Variants in MFN2 observed in about 807,000 individuals in gnomAD.
MFN2 encodes mitofusin 2.
MFN2 carries 43 observed loss-of-function variants against 87.5 expected under a neutral mutation model. The ratio of observed to expected loss-of-function variants is 0.49; its 90% CI spans 0.38 to 0.63. The LOEUF is 0.63. Ranked by LOEUF, MFN2 falls within the 30% of genes least tolerant of loss-of-function variation. The pLI is 0.00. For synonymous variants in MFN2, 337 were observed against 359.9 expected (o/e 0.94, Z 0.72); for missense variants, 743 against 972.8 (o/e 0.76, Z 3.14).
chr1:11,991,955 A>AAAAAAAG (rs1638703453), intron 3 of MFN2, among the ~76,000 whole-genome samples: 1 of 145,708 alleles, frequency 6.9e-6, no homozygotes, highest in Admixed American at 6.8e-5. Context: ...AAAAAAAAGA[A>AAAAAAAG]GTGACATAGA....
chr1:11,990,386 C>T (rs1409623598), intron 3 of MFN2, among the ~76,000 whole-genome samples: 1 of 152,190 alleles, frequency 6.6e-6, no homozygotes, highest in South Asian at 2.1e-4. Context: ...TTGAAATAAT[C>T]CCAACTCATT....
At position 12,001,257 on chromosome 1, in the gene MFN2, C is replaced by T. The variant is rs1266839526; in HGVS notation, c.817-144C>T. Reference sequence around the variant, plus strand: ...TGAACTCCCGACCTCAAGTGATCCACCTGCCTTGGCTTCCCAAAGTGCTGG... The same window carrying T: ...TGAACTCCCGACCTCAAGTGATCCATCTGCCTTGGCTTCCCAAAGTGCTGG... On this transcript the variant is annotated intron_variant, in intron 8 of 18. Coordinates refer to ENST00000235329, the MANE Select transcript of MFN2 (RefSeq NM_014874.4). 3 of 1,118,648 alleles carry T rather than the reference C, an allele frequency of 2.7e-6. No homozygotes were observed. The African/African-American group carries it at 4.6e-5, about 17-fold the overall frequency. The allele number at this position is 1,118,648 out of a possible 1,614,324, so 69.3% of individuals were successfully genotyped here.
chr1:12,001,255 C>A (rs1003298097), intron 8 of MFN2, 146 bp from the exon 9 acceptor site: 3 of 1,077,358 alleles, frequency 2.8e-6, no homozygotes, highest in African/African-American at 3.1e-5. Flanking sequence ...TCAAGTGATC[C>A]ACCTGCCTTG....
intron 4 of MFN2, among the ~76,000 whole-genome samples, chr1:11,995,267 C>CA (rs989013576): frequency 4.6e-5 from 7 of 150,726 alleles, no homozygotes; most frequent in Non-Finnish European, 8.9e-5. Flanking sequence ...AATCCCATAT[C>CA]AAAAAAAACA....
At chr1:11,996,399 T>A in intron 5 of MFN2, 81 bp downstream of exon 5, 1 of 1,535,686 alleles carries the variant, frequency 6.5e-7, no homozygotes, top group Non-Finnish European at 9.0e-7. Context: ...ACCTCACCTC[T>A]AGGGAGGGGG....
chr1:11,994,235 G>A (rs765277494), intron 4 of MFN2, among the ~76,000 whole-genome samples: 1 of 152,206 alleles, frequency 6.6e-6, no homozygotes, highest in Non-Finnish European at 1.5e-5. Flanking sequence ...CATGGAAGCA[G>A]TTTTAACACT....
At position 12,004,732 on chromosome 1, in the gene MFN2, G is replaced by A; in HGVS notation, c.1393-93G>A. The A allele has an allele frequency of 6.7e-7, 1 of 1,498,180 alleles. No homozygotes were observed. Among genetic ancestry groups the A allele is most frequent in the Non-Finnish European group, 9.3e-7 (1 of 1,078,044 alleles). The allele number at this position is 1,498,180 out of a possible 1,614,324, so 92.8% of individuals were successfully genotyped here. On this transcript the variant is annotated intron_variant, in intron 13 of 18. Coordinates refer to ENST00000235329, the MANE Select transcript of MFN2 (RefSeq NM_014874.4). The surrounding 1 kb of genome is among the most constrained non-coding windows in gnomAD (Gnocchi z 4.2). The stretch of plus-strand genomic sequence containing the variant: ...TAGAAGCCACAGAGACAAGGCCCAG[G>A]CTTCCGTCAGCCTTCTGGGGTCACC...
Position 11,992,549 on chromosome 1 carries a change from C to T in MFN2, c.176-6C>T. 1.2e-6 allele frequency: 2 copies of T among 1,614,186 alleles called. No homozygotes were observed. Among genetic ancestry groups the T allele is most frequent in the Non-Finnish European group, 1.7e-6 (2 of 1,180,026 alleles). The stretch of plus-strand genomic sequence containing the variant: ...GTGGTGACCCATTTTCAATCCCCAC[C>T]TCCAGACACGTACAGGAATGCAGAA... On this transcript the variant is annotated splice_region_variant and splice_polypyrimidine_tract_variant and intron_variant, in intron 3 of 18. Coordinates refer to ENST00000235329, the MANE Select transcript of MFN2 (RefSeq NM_014874.4).
chr1:12,006,454 C>CAGACTAGGG, intron 15 of MFN2, 84 bp from the exon 16 acceptor site: 13 of 1,555,092 alleles, frequency 8.4e-6, no homozygotes, highest in African/African-American at 1.4e-5. Context: ...TGTCCCTGTT[C>CAGACTAGGG]CCCAGACTAG....
intron 18 of MFN2, among the ~76,000 whole-genome samples, chr1:12,010,057 G>C (rs780570003): frequency 2.6e-5 from 4 of 152,184 alleles, no homozygotes; most frequent in Non-Finnish European, 4.4e-5. Context: ...GACAGGCTGA[G>C]GCAGGAGAAT....
intron 5 of MFN2, among the ~76,000 whole-genome samples, chr1:11,996,944 A>G (rs1368930020): frequency 3.3e-5 from 5 of 151,716 alleles, no homozygotes; most frequent in South Asian, 2.1e-4. Context: ...AGGCTGAGGC[A>G]GGAGGACTGC....
chr1:12,008,452 G>A lies in MFN2; in HGVS notation c.2070-1140G>A, dbSNP rs568835427. On this transcript the variant is annotated intron_variant, in intron 17 of 18. Coordinates refer to ENST00000235329, the MANE Select transcript of MFN2 (RefSeq NM_014874.4). ...CCCCCACCTCCCTCCCGGACGGGGC[G>A]GCTGGCCGGGCGGGGACTGACCCCC... is the stretch of plus-strand genomic sequence containing the variant. Among the ~76,000 whole-genome samples, 529 of 143,822 alleles carry A rather than the reference G, an allele frequency of 3.7e-3. 7 individuals carry two copies. Among genetic ancestry groups the A allele is most frequent in the African/African-American group, 0.015 (506 of 34,296 alleles). 94.4% of individuals were successfully genotyped at this position (143,822 alleles called of 152,430 possible).
At position 12,005,720 on chromosome 1, in the gene MFN2, A is replaced by T. The variant is rs752815198; in HGVS notation, c.1505A>T (p.Lys502Ile). The change falls in exon 15 of 19, where the codon AAA becomes ATA. Residue 502 changes from lysine (K) to isoleucine (I), a missense_variant. Physicochemically the swap from Lys to Ile is moderately radical, Grantham distance 102. This residue lies in a region of MFN2 where 571 missense variants were observed against 670.7 expected (regional missense o/e 0.85). Coordinates refer to ENST00000235329, the MANE Select transcript of MFN2 (RefSeq NM_014874.4). Reference protein sequence around the residue: ...TMQQDMIDGLKPLLPVSVRSQ... With the variant: ...TMQQDMIDGLIPLLPVSVRSQ... ...TTTCTCTTCCTGACAGATGGCTTGA[A>T]ACCCCTCCTTCCTGTGTCTGTGCGG... is the stretch of plus-strand genomic sequence containing the variant. 1 of 1,614,034 alleles carries T rather than the reference A, an allele frequency of 6.2e-7. No individual in the cohort carries two copies. Among genetic ancestry groups the T allele is most frequent in the Admixed American group, 1.7e-5 (1 of 59,994 alleles).
rs949578279 is a variant in MFN2, at chr1:11,997,989, T to C, written c.599+568T>C. Among the ~76,000 whole-genome samples, 6 of 149,674 alleles carry C rather than the reference T, an allele frequency of 4.0e-5. No individual in the cohort carries two copies. In the South Asian group the frequency reaches 1.3e-3, roughly 32 times the overall value. ...ACCTCCGCCTCCCGGGTTCAAGTGA[T>C]TCTCCTGCCTCAGCCTCTGGAGTAG... is the stretch of plus-strand genomic sequence containing the variant. On this transcript the variant is annotated intron_variant, in intron 6 of 18. Coordinates refer to ENST00000235329, the MANE Select transcript of MFN2 (RefSeq NM_014874.4).
At chr1:11,988,267 A>T (rs139349222) in intron 2 of MFN2, among the ~76,000 whole-genome samples, 1 of 151,432 alleles carries the variant, frequency 6.6e-6, no homozygotes, top group Non-Finnish European at 1.5e-5. Flanking sequence ...ACACCCGGCT[A>T]TATTTTTTTG....
chr1:12,005,615 C>T, intron 14 of MFN2, 96 bp from the exon 15 acceptor site: 1 of 1,278,372 alleles, frequency 7.8e-7, no homozygotes, highest in Non-Finnish European at 1.1e-6. Context: ...TTCAGCATCC[C>T]TGGCAGTAGC....
intron 2 of MFN2, among the ~76,000 whole-genome samples, chr1:11,986,731 C>T (rs967152512): frequency 1.3e-5 from 2 of 151,810 alleles, no homozygotes; most frequent in Non-Finnish European, 1.5e-5. Context: ...GCTGGGATTA[C>T]AGGTGCCTGC....
chr1:12,011,696 GTACCA>G lies in MFN2; in HGVS notation c.*133_*137del. The G allele has an allele frequency of 2.1e-6, 2 of 936,680 alleles. No homozygotes were observed. The highest frequency in any genetic ancestry group is 3.4e-6 in the Non-Finnish European group (2 of 592,370). 58.0% of individuals were successfully genotyped at this position (936,680 alleles called of 1,614,324 possible). On this transcript the variant is annotated 3_prime_UTR_variant, in exon 19 of 19. Transcript: ENST00000235329. ...CCAAGAGAATGAAGCACCCAGTCTCGTACCATTTTGAGCCCTCCAGCACTACTTAT... is the reference window on the plus strand; with the variant it reads ...CCAAGAGAATGAAGCACCCAGTCTCGTTTTGAGCCCTCCAGCACTACTTAT...
At chr1:12,010,486 T>TA (rs1166800295) in intron 18 of MFN2, among the ~76,000 whole-genome samples, 3 of 152,122 alleles carry the variant, frequency 2.0e-5, no homozygotes, top group African/African-American at 4.8e-5. Context: ...TGATTCTCCT[T>TA]ACCTGCCACT....
Sources: allele counts gnomAD v4.1 joint callset (sites outside exome capture counted in the v4.1 genomes callset), GRCh38; gene constraint gnomAD v4.1.1; regional missense constraint gnomAD v4.1.1; non-coding constraint Gnocchi (gnomAD v3.1); transcripts MANE v1.5; gene names NCBI Gene and HGNC (gene_info 2026-07-23, HGNC 2026-07-21).